Variants in ZFHX3 observed in about 807,000 individuals in gnomAD.
ZFHX3 encodes zinc finger homeobox 3.
In ZFHX3, 42 loss-of-function variants were observed where a neutral mutation model predicts 279.1. The observed-to-expected ratio is 0.15, with a 90% CI of 0.12 to 0.19. The LOEUF is 0.19. ZFHX3 is among the 10% of genes least tolerant of loss of function. The pLI is 1.00. For synonymous variants in ZFHX3, 2,293 were observed against 1,957.8 expected, an observed-to-expected ratio of 1.17 and a Z score of -4.52; for missense variants, 4,981 against 4,754.0, an observed-to-expected ratio of 1.05 and a Z score of -1.40.
chr16:73,136,683 C>T (rs1966800981), intron 6 of ZFHX3, among the ~76,000 whole-genome samples: 1 of 140,036 alleles, frequency 7.1e-6, no homozygotes, highest in Non-Finnish European at 1.5e-5. Context: ...TGAGACTGCA[C>T]CAACTGCCCT....
chr16:73,324,391 A>G (rs145717977), intron 3 of ZFHX3, among the ~76,000 whole-genome samples: 145 of 152,298 alleles, frequency 9.5e-4, no homozygotes, highest in African/African-American at 3.2e-3. Flanking sequence ...ACCAATACCC[A>G]TTCTCCTCTA....
At chr16:73,575,944 T>G (rs559330370) in intron 2 of ZFHX3, among the ~76,000 whole-genome samples, 18 of 152,278 alleles carry the variant, frequency 1.2e-4, no homozygotes, top group African/African-American at 3.4e-4. Context: ...CCATGGGAGA[T>G]GTACACACAA....
At chr16:72,911,323 T>C (rs1193977987) in intron 3 of ZFHX3, among the ~76,000 whole-genome samples, 1 of 152,188 alleles carries the variant, frequency 6.6e-6, no homozygotes, top group Non-Finnish European at 1.5e-5. Context: ...CTGTAACACA[T>C]GGAACTATCA....
intron 8 of ZFHX3, chr16:73,093,185 ACT>A (rs1251397547): frequency 1.9e-6 from 1 of 519,728 alleles, no homozygotes; most frequent in Non-Finnish European, 3.8e-6. Context: ...TTTTCGGGAA[ACT>A]CTGGACGACC....
At chr16:73,576,961 C>A (rs1014917216) in intron 2 of ZFHX3, among the ~76,000 whole-genome samples, 24 of 152,130 alleles carry the variant, frequency 1.6e-4, no homozygotes, top group African/African-American at 5.8e-4. Flanking sequence ...TCCATGGGAT[C>A]TTTTAGTTAG....
chr16:73,116,392 G>A (rs1398498627), intron 7 of ZFHX3, among the ~76,000 whole-genome samples: 1 of 152,180 alleles, frequency 6.6e-6, no homozygotes, highest in African/African-American at 2.4e-5. Flanking sequence ...TAGTTCTCAA[G>A]AGGAGGAATG....
intron 3 of ZFHX3, among the ~76,000 whole-genome samples, chr16:73,391,991 T>C (rs1299291300): frequency 1.3e-5 from 2 of 152,128 alleles, no homozygotes; most frequent in Non-Finnish European, 2.9e-5. Flanking sequence ...ATTGATCTGA[T>C]AAAAATGACA....
At chr16:73,793,921 T>C (rs1959909065) in intron 1 of ZFHX3, among the ~76,000 whole-genome samples, 1 of 151,412 alleles carries the variant, frequency 6.6e-6, no homozygotes, top group Non-Finnish European at 1.5e-5. Flanking sequence ...AGCCTTTGGG[T>C]GGTGATTGGG....
In ZFHX3 at chr16:72,794,742, G is replaced by A; in HGVS notation, c.7940C>T (p.Thr2647Ile). The change falls in exon 9 of 10, where the codon ACC (threonine) becomes ATC (isoleucine). Residue 2647 changes from threonine to isoleucine, a missense_variant. Thr to Ile is a moderately conservative substitution (Grantham distance 89). Coordinates refer to ENST00000268489, the MANE Select transcript of ZFHX3 (RefSeq NM_006885.4). This position sits in a 1 kb window ranked among gnomAD's most constrained non-coding sequence, Gnocchi z 4.2. ...EPQRDKRLRT[T>I]ITPEQLEILY... ...AATTTCTAGTTGTTCCGGTGTGATGGTTGTTCTCAAACGCTTGTCTCTCTG... is the reference window on the plus strand; with the variant it reads ...AATTTCTAGTTGTTCCGGTGTGATGATTGTTCTCAAACGCTTGTCTCTCTG... The A allele has an allele frequency of 6.2e-7, 1 of 1,614,236 alleles. No homozygotes were observed. Among genetic ancestry groups the A allele is most frequent in the Non-Finnish European group, 8.5e-7 (1 of 1,180,058 alleles).
At chr16:73,866,974 C>G (rs1388613159) in intron 1 of ZFHX3, among the ~76,000 whole-genome samples, 1 of 152,094 alleles carries the variant, frequency 6.6e-6, no homozygotes, top group African/African-American at 2.4e-5. Flanking sequence ...GGGATTGCCC[C>G]TGAGGGCATT....
chr16:72,822,794 AGTT>A (rs1473265692), intron 5 of ZFHX3, among the ~76,000 whole-genome samples: 1 of 110,524 alleles, frequency 9.0e-6, no homozygotes, highest in Non-Finnish European at 1.8e-5. Flanking sequence ...CTAGAAAGTG[AGTT>A]TTTTTTTTTT....
At chr16:73,470,394 G>A (rs1452113525) in intron 2 of ZFHX3, among the ~76,000 whole-genome samples, 1 of 152,148 alleles carries the variant, frequency 6.6e-6, no homozygotes, top group African/African-American at 2.4e-5. Context: ...CACGTTTAGC[G>A]TGTTGTCTGC....
At chr16:73,234,129 G>A (rs1446074772) in intron 5 of ZFHX3, among the ~76,000 whole-genome samples, 2 of 152,152 alleles carry the variant, frequency 1.3e-5, no homozygotes, top group Non-Finnish European at 2.9e-5. Context: ...GAGAGGGAGG[G>A]AAAGGGAGCG....
intron 1 of ZFHX3, among the ~76,000 whole-genome samples, chr16:73,796,977 G>C (rs1447751865): frequency 1.3e-5 from 2 of 152,130 alleles, no homozygotes; most frequent in East Asian, 3.9e-4. Flanking sequence ...CAAGGCGGGT[G>C]GATCACCAGA....
chr16:73,246,210 A>C (rs2013275104), intron 5 of ZFHX3, among the ~76,000 whole-genome samples: 1 of 152,036 alleles, frequency 6.6e-6, no homozygotes, highest in South Asian at 2.1e-4. Context: ...TTTAGGAGAG[A>C]GCCGAGGCAT....
chr16:72,919,088 G>A (rs1368453017), intron 3 of ZFHX3, among the ~76,000 whole-genome samples: 4 of 151,958 alleles, frequency 2.6e-5, no homozygotes, highest in African/African-American at 4.8e-5. Flanking sequence ...TAAAAACACA[G>A]ATTCTGTGCA....
chr16:73,016,782 G>A (rs1397560586), intron 1 of ZFHX3, among the ~76,000 whole-genome samples: 1 of 152,048 alleles, frequency 6.6e-6, no homozygotes. Context: ...CTCTCATGAT[G>A]TGGATTCGCA....
chr16:73,676,806 G>T (rs1597060750), intron 2 of ZFHX3, among the ~76,000 whole-genome samples: 1 of 150,716 alleles, frequency 6.6e-6, no homozygotes, highest in Non-Finnish European at 1.5e-5. Flanking sequence ...ATAAAAAAAA[G>T]AGTTTTAATA....
chr16:73,359,007 A>G (rs2016391138), intron 3 of ZFHX3, among the ~76,000 whole-genome samples: 1 of 152,206 alleles, frequency 6.6e-6, no homozygotes, highest in African/African-American at 2.4e-5. Flanking sequence ...AATGCTGCCT[A>G]TTATCATTCT....
Sources: gnomAD v4.1 joint callset for allele counts (sites outside exome capture counted in the v4.1 genomes callset) on GRCh38, gnomAD v4.1.1 for gene constraint, Gnocchi (gnomAD v3.1) non-coding constraint, MANE v1.5 for transcripts, NCBI Gene and HGNC (gene_info 2026-07-23, HGNC 2026-07-21) for gene names.